The following KCNT2 variants were observed in gnomAD, a reference collection of about 807,000 sequenced individuals.
KCNT2 encodes potassium sodium-activated channel subfamily T member 2, also known as potassium channel subfamily T member 2.
In KCNT2, 67 loss-of-function variants were observed where a neutral mutation model predicts 153.8. That is an observed-to-expected ratio of 0.44 (90% CI 0.36 to 0.53). The LOEUF (loss-of-function observed/expected upper bound fraction) is 0.53, where lower values mean the gene tolerates loss of function less well. Among genes scored for constraint, KCNT2 ranks in the 20% least tolerant of loss-of-function variants. The probability of loss-of-function intolerance (pLI) is 0.00; values close to 1 mark genes in which losing one functional copy is unlikely to be tolerated. For synonymous variants in KCNT2, 500 were observed against 458.8 expected, an observed-to-expected ratio of 1.09 and a Z score of -1.15; for missense variants, 975 against 1,354.8, an observed-to-expected ratio of 0.72 and a Z score of 4.40.
intron 14 of KCNT2, among the ~76,000 whole-genome samples, chr1:196,350,109 T>C (rs1666526874): frequency 6.6e-6 from 1 of 152,176 alleles, no homozygotes; most frequent in Admixed American, 6.6e-5. Flanking sequence ...TCTATCATTA[T>C]TGGACATTTG....
chr1:196,428,058 G>A, intron 10 of KCNT2, 47 bp downstream of exon 10: 1 of 1,435,852 alleles, frequency 7.0e-7, no homozygotes. Context: ...TTGACAATAT[G>A]TTAGTAGGTA....
chr1:196,599,340 C>T (rs1453439672), intron 1 of KCNT2, among the ~76,000 whole-genome samples: 1 of 152,196 alleles, frequency 6.6e-6, no homozygotes. Context: ...TACAAGATGG[C>T]TAAGTGTGCC....
At chr1:196,446,216 A>G (rs1025868346) in intron 8 of KCNT2, among the ~76,000 whole-genome samples, 3 of 151,500 alleles carry the variant, frequency 2.0e-5, no homozygotes, top group Admixed American at 6.6e-5. Flanking sequence ...CAAAAAAATT[A>G]AGCAAAAGAT....
chr1:196,518,461 A>G (rs1652896232), intron 1 of KCNT2, among the ~76,000 whole-genome samples: 2 of 140,816 alleles, frequency 1.4e-5, no homozygotes, highest in South Asian at 4.9e-4. Context: ...AAAAAGTACA[A>G]AGTGGCAAGC....
At chr1:196,406,592 CA>C (rs11357087) in intron 12 of KCNT2, among the ~76,000 whole-genome samples, 69,966 of 135,374 alleles carry the variant, frequency 0.52, 18,211 homozygotes, top group Middle Eastern at 0.7. Context: ...ACATCAAAGT[CA>C]AAAAAAAAAA....
At position 196,280,987 on chromosome 1, in the gene KCNT2, A is replaced by T. The variant is rs1379981314; in HGVS notation, c.2783T>A (p.Met928Lys). 1 of 1,606,650 alleles carries T rather than the reference A, an allele frequency of 6.2e-7. No homozygotes were observed. Among genetic ancestry groups the T allele is most frequent in the South Asian group, 1.1e-5 (1 of 90,830 alleles). ...CCATAAGTCATCTGCAGTGATTTTC[A>T]TCTATAACACACACAAATTATTTAC... ...TTPGSGFLCS[M>K]KITADDLWIR... The change falls in exon 25 of 28, where the codon ATG becomes AAG. Residue 928 changes from methionine (M) to lysine (K), a missense_variant and splice_region_variant. Around this residue, in one of 6 missense-constraint regions of KCNT2, gnomAD observed 241 missense variants for 271.1 expected, o/e 0.89. Transcript: ENST00000294725.
At chr1:196,464,753 G>A (rs992167476) in intron 8 of KCNT2, among the ~76,000 whole-genome samples, 6 of 151,922 alleles carry the variant, frequency 3.9e-5, no homozygotes, top group African/African-American at 1.4e-4. Flanking sequence ...CTTCCAGAAA[G>A]GGAAATTACT....
chr1:196,470,791 T>C (rs368783468), intron 5 of KCNT2, among the ~76,000 whole-genome samples: 1 of 152,050 alleles, frequency 6.6e-6, no homozygotes, highest in Non-Finnish European at 1.5e-5. Context: ...CCCTGTGCCA[T>C]GTAGGTCTGA....
intron 1 of KCNT2, among the ~76,000 whole-genome samples, chr1:196,595,811 AAT>A (rs1399591644): frequency 1.3e-5 from 2 of 151,956 alleles, no homozygotes; most frequent in South Asian, 2.1e-4. Context: ...CACTGTACAC[AAT>A]ATATAGTCTT....
chr1:196,550,968 G>C lies in KCNT2; in HGVS notation c.95+57247C>G, dbSNP rs116102075. ...CATATATTTATGATTCATTATTTGA[G>C]ATATTTGCAGAATTTGTGCCAGACT... On this transcript the variant is annotated intron_variant, in intron 1 of 27. Transcript: ENST00000294725. 4.9e-3 allele frequency among the ~76,000 whole-genome samples: 738 copies of C among 151,932 alleles called. 3 individuals carry two copies. Among genetic ancestry groups the C allele is most frequent in the African/African-American group, 0.016 (671 of 41,500 alleles).
chr1:196,424,164 T>C (rs779418930), intron 11 of KCNT2, among the ~76,000 whole-genome samples: 7 of 151,836 alleles, frequency 4.6e-5, no homozygotes, highest in Admixed American at 6.6e-5. Flanking sequence ...GTAAATATGG[T>C]CGCTTTTACC....
intron 22 of KCNT2, among the ~76,000 whole-genome samples, chr1:196,294,095 G>C (rs916343621): frequency 5.3e-5 from 8 of 152,140 alleles, no homozygotes; most frequent in South Asian, 2.1e-4. Flanking sequence ...ACACGTATAG[G>C]AAAAGCTGAT....
At chr1:196,405,612 A>AT (rs1671765377) in intron 12 of KCNT2, among the ~76,000 whole-genome samples, 1 of 151,430 alleles carries the variant, frequency 6.6e-6, no homozygotes, top group African/African-American at 2.4e-5. Context: ...TAAATTTATA[A>AT]TTTTTATTAG....
intron 8 of KCNT2, among the ~76,000 whole-genome samples, chr1:196,451,583 T>C (rs1676210009): frequency 6.6e-6 from 1 of 151,126 alleles, no homozygotes; most frequent in South Asian, 2.1e-4. Context: ...ACTTTTTTGT[T>C]ATCCCTTTGT....
At chr1:196,361,629 G>A (rs1667631404) in intron 14 of KCNT2, among the ~76,000 whole-genome samples, 1 of 152,038 alleles carries the variant, frequency 6.6e-6, no homozygotes, top group Admixed American at 6.6e-5. Context: ...TTGATAAAGG[G>A]CGCTTCCCCA....
Position 196,425,264 on chromosome 1 carries a change from A to T in KCNT2, c.1121+588T>A, listed in dbSNP as rs183645413. 5.9e-5 allele frequency among the ~76,000 whole-genome samples: 9 copies of T among 152,030 alleles called. No homozygotes were observed. In the East Asian group the frequency reaches 1.8e-3, roughly 30 times the overall value. On this transcript the variant is annotated intron_variant, in intron 11 of 27. Coordinates refer to ENST00000294725, the MANE Select transcript of KCNT2 (RefSeq NM_198503.5). ...AAATGTTTAAGACTATGTCACCTTT[A>T]AGACAAATTGCCTGGTACATGCACA...
chr1:196,329,841 A>G (rs1664266681), intron 18 of KCNT2, among the ~76,000 whole-genome samples: 2 of 143,280 alleles, frequency 1.4e-5, no homozygotes, highest in Admixed American at 1.4e-4. Context: ...ATATGTATTT[A>G]TGTACATATA....
intron 1 of KCNT2, among the ~76,000 whole-genome samples, chr1:196,527,754 T>C (rs1383488857): frequency 2.0e-5 from 3 of 152,222 alleles, no homozygotes; most frequent in African/African-American, 7.2e-5. Flanking sequence ...AATAATTTAA[T>C]GTGAAGCAAA....
intron 14 of KCNT2, among the ~76,000 whole-genome samples, chr1:196,372,857 T>A (rs1368730498): frequency 6.6e-6 from 1 of 151,896 alleles, no homozygotes; most frequent in African/African-American, 2.4e-5. Flanking sequence ...AATGTCCTAA[T>A]CCTAGGCCTA....
Sources: allele counts gnomAD v4.1 joint callset (sites outside exome capture counted in the v4.1 genomes callset), GRCh38; gene constraint gnomAD v4.1.1; regional missense constraint gnomAD v4.1.1; transcripts MANE v1.5; gene names NCBI Gene and HGNC (gene_info 2026-07-23, HGNC 2026-07-21).